The following KLHL14 variants were observed in gnomAD, a reference collection of about 807,000 sequenced individuals.
The protein encoded by KLHL14 is kelch-like protein 14.
A neutral mutation model predicts 64.3 loss-of-function variants in KLHL14; 22 were observed. The ratio of observed to expected loss-of-function variants is 0.34; its 90% CI spans 0.24 to 0.49. The LOEUF (loss-of-function observed/expected upper bound fraction) is 0.49, where lower values mean the gene tolerates loss of function less well. Among genes scored for constraint, KLHL14 ranks in the 20% least tolerant of loss-of-function variants. The probability of loss-of-function intolerance (pLI) is 0.99; values close to 1 mark genes in which losing one functional copy is unlikely to be tolerated. For synonymous variants in KLHL14, 322 were observed against 333.4 expected, an observed-to-expected ratio of 0.97 and a Z score of 0.37; for missense variants, 661 against 789.0, an observed-to-expected ratio of 0.84 and a Z score of 1.94.
At chr18:32,772,346 A>G (rs1217810332) in intron 1 of KLHL14, 3 of 239,270 alleles carry the variant, frequency 1.3e-5, no homozygotes, top group Non-Finnish European at 2.7e-5. Context: ...CCCGCCCCCA[A>G]AGCTCTGGCT....
chr18:32,681,060 A>T (rs115256329), intron 5 of KLHL14, among the ~76,000 whole-genome samples: 2,486 of 152,212 alleles, frequency 0.016, 66 homozygotes, highest in African/African-American at 0.056. Flanking sequence ...ATCATCAAAA[A>T]TTTTCTTCAA....
Position 32,771,374 on chromosome 18 carries a change from C to G in KLHL14, c.-43-740G>C, listed in dbSNP as rs578015293. Among the ~76,000 whole-genome samples, 3 of 152,316 alleles carry G rather than the reference C, an allele frequency of 2.0e-5. No individual in the cohort carries two copies. The South Asian group carries it at 6.2e-4, about 32-fold the overall frequency. On this transcript the variant is annotated intron_variant, in intron 1 of 8. Coordinates refer to ENST00000359358, the MANE Select transcript of KLHL14 (RefSeq NM_020805.3). ...CGGCAGAGGCGGGAGCTGTCCTTAT[C>G]AATTCGAGCTCATTTCCCTCAACCT...
chr18:32,754,065 C>A (rs996642087), intron 2 of KLHL14, among the ~76,000 whole-genome samples: 2 of 152,318 alleles, frequency 1.3e-5, no homozygotes, highest in Non-Finnish European at 2.9e-5. Flanking sequence ...CTGGTGGGGA[C>A]AACCAACATG....
At chr18:32,733,826 C>T (rs1216282830) in intron 3 of KLHL14, 3 of 238,046 alleles carry the variant, frequency 1.3e-5, no homozygotes, top group Non-Finnish European at 1.7e-5. Context: ...GATAGGTGCC[C>T]TTCATAATGT....
intron 3 of KLHL14, among the ~76,000 whole-genome samples, chr18:32,740,427 G>T (rs2050190237): frequency 6.6e-6 from 1 of 152,176 alleles, no homozygotes; most frequent in African/African-American, 2.4e-5. Flanking sequence ...GAAAACAAAT[G>T]GATTTATGAA....
chr18:32,705,035 A>C (rs765558017), intron 3 of KLHL14, among the ~76,000 whole-genome samples: 5 of 152,260 alleles, frequency 3.3e-5, no homozygotes, highest in Non-Finnish European at 7.3e-5. Context: ...TTGCAGCAGT[A>C]AATGTCATTA....
intron 8 of KLHL14, 110 bp from the exon 9 acceptor site, chr18:32,674,907 T>G: frequency 1.6e-6 from 1 of 610,960 alleles, no homozygotes; most frequent in South Asian, 2.3e-5. Context: ...TGTTCTCCAT[T>G]CTTGCTAAAT....
At position 32,720,487 on chromosome 18, in the gene KLHL14, C is replaced by A. The variant is rs570632479; in HGVS notation, c.1069+21441G>T. On this transcript the variant is annotated intron_variant, in intron 3 of 8. Transcript: ENST00000359358. ...GTTCAAAGGCAAGGTAATTTTAAGG[C>A]CAAATGGAGATGTTTGGGTTTCTAT... is the stretch of plus-strand genomic sequence containing the variant. Among the ~76,000 whole-genome samples, 86 of 152,084 alleles carry A rather than the reference C, an allele frequency of 5.7e-4. 3 individuals are homozygous for A. The highest frequency in any genetic ancestry group is 3.5e-3 in the Admixed American group (53 of 15,272).
intron 2 of KLHL14, among the ~76,000 whole-genome samples, chr18:32,750,029 G>C (rs2050243263): frequency 6.6e-6 from 1 of 151,852 alleles, no homozygotes; most frequent in South Asian, 2.1e-4. Flanking sequence ...TATGGTGAGG[G>C]GGGCAATGAG....
chr18:32,768,331 G>T (rs2050357478), intron 2 of KLHL14, among the ~76,000 whole-genome samples: 1 of 151,068 alleles, frequency 6.6e-6, no homozygotes, highest in African/African-American at 2.4e-5. Flanking sequence ...CTAAAAAAGT[G>T]TAGAGAGTAT....
intron 3 of KLHL14, among the ~76,000 whole-genome samples, chr18:32,705,058 A>G (rs367886198): frequency 6.6e-6 from 1 of 152,356 alleles, no homozygotes; most frequent in East Asian, 1.9e-4. Context: ...GGGAAAAGGC[A>G]CACAGATTCC....
chr18:32,717,685 C>G (rs1393343087), intron 3 of KLHL14, among the ~76,000 whole-genome samples: 2 of 152,192 alleles, frequency 1.3e-5, no homozygotes, highest in Non-Finnish European at 2.9e-5. Context: ...CTTTTCTCGT[C>G]TGTCATATAG....
chr18:32,772,115 GGCCCGCCC>G (rs964688078), intron 1 of KLHL14: 5 of 161,410 alleles, frequency 3.1e-5, no homozygotes, highest in Non-Finnish European at 5.8e-5. Context: ...CCGGCCCGCC[GGCCCGCCC>G]GCCCGGGGGA....
intron 2 of KLHL14, among the ~76,000 whole-genome samples, chr18:32,766,053 T>C (rs1336181669): frequency 6.6e-6 from 1 of 152,132 alleles, no homozygotes; most frequent in East Asian, 1.9e-4. Context: ...CAGTAAACTT[T>C]TGTTATGTGC....
At chr18:32,689,488 T>A (rs1397846948) in intron 4 of KLHL14, among the ~76,000 whole-genome samples, 1 of 152,160 alleles carries the variant, frequency 6.6e-6, no homozygotes, top group African/African-American at 2.4e-5. Context: ...CAACAAGAAT[T>A]GCTTCAGTGA....
intron 2 of KLHL14, 47 bp from the exon 3 acceptor site, chr18:32,742,096 G>A (rs1430759315): frequency 3.2e-6 from 5 of 1,573,154 alleles, no homozygotes; most frequent in Non-Finnish European, 3.4e-6. Context: ...TTACTGTAGA[G>A]TCTTTTTAGT....
chr18:32,750,605 C>G (rs1168253471), intron 2 of KLHL14, among the ~76,000 whole-genome samples: 1 of 152,220 alleles, frequency 6.6e-6, no homozygotes, highest in African/African-American at 2.4e-5. Flanking sequence ...ACTTACTTCT[C>G]TTCGCTGCCA....
chr18:32,701,769 C>G (rs2049967346), intron 3 of KLHL14, among the ~76,000 whole-genome samples: 1 of 152,076 alleles, frequency 6.6e-6, no homozygotes, highest in Admixed American at 6.6e-5. Context: ...TAGGAGGGGA[C>G]AGTAGAGATG....
At chr18:32,709,654 G>T (rs941380383) in intron 3 of KLHL14, among the ~76,000 whole-genome samples, 3 of 152,130 alleles carry the variant, frequency 2.0e-5, no homozygotes, top group Admixed American at 2.0e-4. Context: ...TTGCTATGTT[G>T]CCCAGGCTGG....
Sources: gnomAD v4.1 joint callset for allele counts (sites outside exome capture counted in the v4.1 genomes callset) on GRCh38, gnomAD v4.1.1 for gene constraint, MANE v1.5 for transcripts, NCBI Gene and HGNC (gene_info 2026-07-23, HGNC 2026-07-21) for gene names.